KCNH1: variants seen among roughly 807,000 people sequenced by gnomAD.
KCNH1 encodes voltage-gated delayed rectifier potassium channel KCNH1.
Under a neutral mutation model 69.2 loss-of-function variants are expected in KCNH1, and 27 were observed. The ratio of observed to expected loss-of-function variants is 0.39; its 90% CI spans 0.29 to 0.54. The LOEUF (loss-of-function observed/expected upper bound fraction) is 0.54. KCNH1 is among the 20% of genes least tolerant of loss of function. KCNH1 has a pLI of 0.68. For missense variants in KCNH1, 798 were observed against 1,261.6 expected (o/e 0.63, Z 5.57); for synonymous variants, 456 against 487.7 (o/e 0.93, Z 0.86).
chr1:211,014,774 G>A (rs572601197), intron 6 of KCNH1, among the ~76,000 whole-genome samples: 1 of 152,248 alleles, frequency 6.6e-6, no homozygotes, highest in African/African-American at 2.4e-5. Context: ...TTTTTTATGA[G>A]AAATGAGTCA....
chr1:210,949,092 C>A (rs1688016360), intron 6 of KCNH1, among the ~76,000 whole-genome samples: 1 of 152,050 alleles, frequency 6.6e-6, no homozygotes, highest in East Asian at 1.9e-4. Flanking sequence ...ATGTAATGAA[C>A]AATTTTTTTA....
chr1:210,734,961 C>T (rs891039937), intron 10 of KCNH1, among the ~76,000 whole-genome samples: 1 of 152,154 alleles, frequency 6.6e-6, no homozygotes, highest in Admixed American at 6.5e-5. Context: ...GTAGCTCCTA[C>T]AAGGACCTCT....
intron 5 of KCNH1, among the ~76,000 whole-genome samples, chr1:211,042,572 G>A (rs1481183282): frequency 2.0e-5 from 3 of 152,302 alleles, no homozygotes; most frequent in Non-Finnish European, 4.4e-5. Flanking sequence ...AAGACAGAAA[G>A]TCAATAAAGA....
intron 7 of KCNH1, among the ~76,000 whole-genome samples, chr1:210,844,973 T>C (rs976378395): frequency 2.0e-5 from 3 of 152,004 alleles, no homozygotes; most frequent in African/African-American, 7.2e-5. Flanking sequence ...AACTAGAAAA[T>C]CTAGAAGAAA....
chr1:211,003,825 G>T (rs1406229323), intron 6 of KCNH1, among the ~76,000 whole-genome samples: 1 of 152,170 alleles, frequency 6.6e-6, no homozygotes, highest in East Asian at 1.9e-4. Context: ...TTAGCAATTG[G>T]CCGGGTGCGG....
intron 10 of KCNH1, among the ~76,000 whole-genome samples, chr1:210,685,978 G>C (rs1218105567): frequency 6.6e-6 from 1 of 152,200 alleles, no homozygotes; most frequent in Non-Finnish European, 1.5e-5. Context: ...TCACTACACA[G>C]GTGGATGGAT....
At chr1:210,753,909 A>ATTTTTTTT (rs397982788) in intron 10 of KCNH1, among the ~76,000 whole-genome samples, 5 of 140,894 alleles carry the variant, frequency 3.5e-5, no homozygotes, top group Non-Finnish European at 6.1e-5. Context: ...TATCAGACTA[A>ATTTTTTTT]TTTTTTTTTT....
intron 6 of KCNH1, among the ~76,000 whole-genome samples, chr1:210,995,004 A>G (rs1280620681): frequency 6.6e-6 from 1 of 152,230 alleles, no homozygotes; most frequent in African/African-American, 2.4e-5. Context: ...CTCAAAAAAC[A>G]TTAGCCAAGT....
At chr1:210,807,006 C>CA (rs138837046) in intron 7 of KCNH1, among the ~76,000 whole-genome samples, 85,686 of 123,646 alleles carry the variant, frequency 0.69, 29,843 homozygotes, top group East Asian at 0.78. Flanking sequence ...GACTCCATCT[C>CA]AAAAAAAAAA....
chr1:210,915,207 C>T (rs187182450), intron 7 of KCNH1, among the ~76,000 whole-genome samples: 2 of 152,252 alleles, frequency 1.3e-5, no homozygotes, highest in African/African-American at 4.8e-5. Context: ...ATTTCTAGGC[C>T]TTTGTTGCTG....
chr1:210,738,560 T>A lies in KCNH1; in HGVS notation c.2112+36788A>T, dbSNP rs563698810. 2.6e-4 allele frequency among the ~76,000 whole-genome samples: 32 copies of A among 122,970 alleles called. No homozygotes were observed. The South Asian group carries it at 9.1e-3, about 35-fold the overall frequency. 80.7% of individuals were successfully genotyped at this position (122,970 alleles called of 152,430 possible). A position where few individuals can be genotyped will look rare whatever the true frequency, so the allele number is the denominator to read the frequency against. On this transcript the variant is annotated intron_variant, in intron 10 of 10. Transcript: ENST00000271751. ...CTGGCTTGGCTTTTTTGCTTTTTTTTTTTTTTTTTTTTTTTTTTTTTCTGA... is the reference window on the plus strand; with the variant it reads ...CTGGCTTGGCTTTTTTGCTTTTTTTATTTTTTTTTTTTTTTTTTTTTCTGA...
chr1:210,735,203 C>T (rs574565837), intron 10 of KCNH1, among the ~76,000 whole-genome samples: 3 of 152,226 alleles, frequency 2.0e-5, no homozygotes, highest in South Asian at 4.2e-4. Context: ...CAGAAGGAGA[C>T]AGAACCTTTT....
chr1:210,860,475 A>G lies in KCNH1; in HGVS notation c.1463-56309T>C, dbSNP rs1338266201. On this transcript the variant is annotated intron_variant, in intron 7 of 10. Transcript: ENST00000271751. ...TTCCCATAGCAGTAACTGCTTTGTC[A>G]TCACTACCTTCTTCATCTGGCCCTG... 2.5e-5 allele frequency: 21 copies of G among 852,756 alleles called. 1 individual carries two copies. The Middle Eastern group carries it at 1.0e-3, about 41-fold the overall frequency. The allele number at this position is 852,756 out of a possible 1,614,324, so 52.8% of individuals were successfully genotyped here. A position where few individuals can be genotyped will look rare whatever the true frequency, so the allele number is the denominator to read the frequency against.
intron 7 of KCNH1, among the ~76,000 whole-genome samples, chr1:210,822,841 T>C (rs1029982505): frequency 6.6e-6 from 1 of 152,178 alleles, no homozygotes; most frequent in African/African-American, 2.4e-5. Context: ...GTACTTTGCT[T>C]TCACTTCTGT....
At chr1:210,859,895 T>C (rs1685938739) in intron 7 of KCNH1, 2 of 1,274,154 alleles carry the variant, frequency 1.6e-6, no homozygotes, top group Non-Finnish European at 2.3e-6. Flanking sequence ...TATTTAGTAA[T>C]AGGTATGCAT....
intron 10 of KCNH1, among the ~76,000 whole-genome samples, chr1:210,727,225 T>C (rs1682619328): frequency 6.6e-6 from 1 of 152,180 alleles, no homozygotes. Context: ...TACTTTGGTA[T>C]TAAAGCCCCA....
intron 7 of KCNH1, among the ~76,000 whole-genome samples, chr1:210,820,369 G>C (rs1418972): frequency 0.16 from 25,075 of 151,992 alleles, 2,725 homozygotes; most frequent in Non-Finnish European, 0.25. Flanking sequence ...GGTGCGGTGG[G>C]TCATGTCTGT....
At chr1:210,818,257 T>C (rs917779184) in intron 7 of KCNH1, among the ~76,000 whole-genome samples, 1 of 152,216 alleles carries the variant, frequency 6.6e-6, no homozygotes, top group Admixed American at 6.5e-5. Context: ...TTCTTGGTGC[T>C]AGAAAGACAA....
intron 7 of KCNH1, among the ~76,000 whole-genome samples, chr1:210,804,517 A>G (rs1052254823): frequency 1.3e-5 from 2 of 152,244 alleles, no homozygotes; most frequent in African/African-American, 4.8e-5. Flanking sequence ...ACTTTCTGTC[A>G]TAAAAAGTTT....
Sources: gnomAD v4.1 joint callset for allele counts (sites outside exome capture counted in the v4.1 genomes callset) on GRCh38, gnomAD v4.1.1 for gene constraint, MANE v1.5 for transcripts, NCBI Gene and HGNC (gene_info 2026-07-23, HGNC 2026-07-21) for gene names.